Variants in AFF3 observed in about 807,000 individuals in gnomAD.
AFF3 encodes ALF transcription elongation factor 3.
AFF3 carries 32 observed loss-of-function variants against 129.7 expected under a neutral mutation model. The observed-to-expected ratio is 0.25, with a 90% CI of 0.19 to 0.33. AFF3 has a LOEUF of 0.33. AFF3 is among the 10% of genes least tolerant of loss of function. The pLI is 1.00. For missense variants in AFF3, 1,373 were observed against 1,592.0 expected (o/e 0.86, Z 2.34); for synonymous variants, 644 against 635.4 (o/e 1.01, Z -0.20).
chr2:99,873,044 C>A (rs1057177810), intron 7 of AFF3, among the ~76,000 whole-genome samples: 1 of 152,168 alleles, frequency 6.6e-6, no homozygotes, highest in Non-Finnish European at 1.5e-5. Context: ...TGTCTCTTAC[C>A]CATTCTTTAA....
intron 14 of AFF3, 85 bp downstream of exon 14, chr2:99,601,350 A>T: frequency 1.4e-6 from 2 of 1,410,724 alleles, no homozygotes; most frequent in South Asian, 3.1e-5. Flanking sequence ...GACCTGCAGC[A>T]GTGTGACAGT....
chr2:100,054,077 A>G (rs1686570784), intron 4 of AFF3, among the ~76,000 whole-genome samples: 1 of 152,162 alleles, frequency 6.6e-6, no homozygotes, highest in African/African-American at 2.4e-5. Context: ...AGAGGGCCAC[A>G]GAGGTCATTA....
intron 2 of AFF3, among the ~76,000 whole-genome samples, chr2:100,124,678 G>A (rs75176854): frequency 3.1e-4 from 47 of 149,886 alleles, no homozygotes; most frequent in Admixed American, 1.3e-3. Flanking sequence ...GAGATGGGGG[G>A]GTGTATCAGG....
chr2:99,833,669 C>G (rs1688663687), intron 8 of AFF3, among the ~76,000 whole-genome samples: 1 of 151,984 alleles, frequency 6.6e-6, no homozygotes, highest in South Asian at 2.1e-4. Flanking sequence ...AAGTTATAAA[C>G]CAATTTTATT....
chr2:100,040,095 A>C lies in AFF3; in HGVS notation c.54-31163T>G, dbSNP rs367943797. Among the ~76,000 whole-genome samples, 38 of 152,214 alleles carry C rather than the reference A, an allele frequency of 2.5e-4. 1 individual carries two copies. The highest frequency in any genetic ancestry group is 2.3e-3 in the East Asian group (12 of 5,160). ...GTAACAGCATGTGCCATGCTTCCTC[A>C]CTGGAATTTCATCAACCTAAATGAC... On this transcript the variant is annotated intron_variant, in intron 4 of 24. Transcript: ENST00000672756.
At position 99,636,149 on chromosome 2, in the gene AFF3, T is replaced by C. The variant is rs959286476; in HGVS notation, c.1184+13477A>G. On this transcript the variant is annotated intron_variant, in intron 13 of 24. Transcript: ENST00000672756. ...CTTGCATTGGGTCCATGGTTATTTTTCTTGGCTTCTTAGCACCAGCATTAG... is the reference window on the plus strand; with the variant it reads ...CTTGCATTGGGTCCATGGTTATTTTCCTTGGCTTCTTAGCACCAGCATTAG... Among the ~76,000 whole-genome samples the C allele has an allele frequency of 4.6e-5, 7 of 152,360 alleles. No individual in the cohort carries two copies. The South Asian group carries it at 8.3e-4, about 18-fold the overall frequency.
At chr2:100,119,424 T>G (rs1366733444) in intron 2 of AFF3, among the ~76,000 whole-genome samples, 1 of 152,218 alleles carries the variant, frequency 6.6e-6, no homozygotes, top group African/African-American at 2.4e-5. Flanking sequence ...CATCAGTAAC[T>G]AGGAGTCTTC....
chr2:100,060,429 A>T (rs1409072316), intron 4 of AFF3, among the ~76,000 whole-genome samples: 2 of 152,098 alleles, frequency 1.3e-5, no homozygotes, highest in African/African-American at 4.8e-5. Flanking sequence ...TGCCTTAACC[A>T]CTGTGCTAAG....
rs115427701 is a variant in AFF3, at chr2:99,547,281, T to C, written c.*4193A>G. ...ACAACATAAATCATTTAATGTAACATTTGCAACCTTAGAAAGGCAGACATG... is the reference window on the plus strand; with the variant it reads ...ACAACATAAATCATTTAATGTAACACTTGCAACCTTAGAAAGGCAGACATG... On this transcript the variant is annotated 3_prime_UTR_variant, in exon 25 of 25. Transcript: ENST00000672756. 5.6e-3 allele frequency: 1,211 copies of C among 216,050 alleles called. 13 individuals carry two copies. The highest frequency in any genetic ancestry group is 0.024 in the African/African-American group (1,055 of 44,490). 13.4% of individuals were successfully genotyped at this position (216,050 alleles called of 1,614,324 possible). A position where few individuals can be genotyped will look rare whatever the true frequency, so the allele number is the denominator to read the frequency against.
chr2:99,568,198 G>C (rs1676154223), intron 19 of AFF3, among the ~76,000 whole-genome samples: 1 of 152,124 alleles, frequency 6.6e-6, no homozygotes, highest in South Asian at 2.1e-4. Context: ...GACTAAAACT[G>C]GAATTACTAG....
intron 13 of AFF3, among the ~76,000 whole-genome samples, chr2:99,633,749 T>C (rs1261679306): frequency 6.6e-6 from 1 of 152,054 alleles, no homozygotes; most frequent in East Asian, 1.9e-4. Flanking sequence ...GGTTCCCCAC[T>C]TCCTGGCCCC....
intron 4 of AFF3, among the ~76,000 whole-genome samples, chr2:100,014,953 A>T: frequency 7.9e-6 from 1 of 126,076 alleles, no homozygotes. Context: ...CCAGCCAGCT[A>T]ATTTTTTTTT....
At chr2:100,019,282 T>C (rs887883848) in intron 4 of AFF3, among the ~76,000 whole-genome samples, 26 of 152,132 alleles carry the variant, frequency 1.7e-4, no homozygotes, top group African/African-American at 6.0e-4. Flanking sequence ...TGAAATGGGG[T>C]TTCTGAAAAG....
chr2:99,982,016 C>T (rs1679447468), intron 7 of AFF3, among the ~76,000 whole-genome samples: 1 of 152,184 alleles, frequency 6.6e-6, no homozygotes, highest in Non-Finnish European at 1.5e-5. Flanking sequence ...AGTGCCAGGA[C>T]CTGGCAATGC....
chr2:99,749,235 A>G (rs1349298619), intron 9 of AFF3, among the ~76,000 whole-genome samples: 1 of 152,254 alleles, frequency 6.6e-6, no homozygotes, highest in Non-Finnish European at 1.5e-5. Context: ...ATTTCACAAT[A>G]TCAAAACATC....
intron 7 of AFF3, among the ~76,000 whole-genome samples, chr2:99,930,920 G>GCT (rs946683025): frequency 6.6e-6 from 1 of 152,066 alleles, no homozygotes; most frequent in Admixed American, 6.6e-5. Context: ...ACTTACAATG[G>GCT]CTCTCACAGC....
At chr2:99,651,687 C>T (rs1306560298) in intron 12 of AFF3, among the ~76,000 whole-genome samples, 1 of 152,080 alleles carries the variant, frequency 6.6e-6, no homozygotes, top group African/African-American at 2.4e-5. Flanking sequence ...AATGATCCAC[C>T]CGCCTCTGCC....
chr2:99,612,329 T>C lies in AFF3; in HGVS notation c.1185-10708A>G, dbSNP rs1039703996. ...GAAACAATTACAAAAGTCTCTGCTA[T>C]AGTTCCTGCCCATTTTATCACCTAG... On this transcript the variant is annotated intron_variant, in intron 13 of 24. Coordinates refer to ENST00000672756, the MANE Select transcript of AFF3 (RefSeq NM_001386135.1). Among the ~76,000 whole-genome samples, 8 of 152,224 alleles carry C rather than the reference T, an allele frequency of 5.3e-5. No homozygotes were observed. The East Asian group carries it at 7.7e-4, about 15-fold the overall frequency.
chr2:99,667,025 G>T (rs1686733850), intron 12 of AFF3, among the ~76,000 whole-genome samples: 1 of 152,080 alleles, frequency 6.6e-6, no homozygotes, highest in Non-Finnish European at 1.5e-5. Context: ...AGATACAAAA[G>T]AACATCAAAT....
Sources: gnomAD v4.1 joint callset for allele counts (sites outside exome capture counted in the v4.1 genomes callset) on GRCh38, gnomAD v4.1.1 for gene constraint, MANE v1.5 for transcripts, NCBI Gene and HGNC (gene_info 2026-07-23, HGNC 2026-07-21) for gene names.